The following RSRP1 variants were observed in gnomAD, a reference collection of about 807,000 sequenced individuals.
RSRP1 encodes arginine/serine-rich protein 1.
A neutral mutation model predicts 33.0 loss-of-function variants in RSRP1; 37 were observed. The ratio of observed to expected loss-of-function variants is 1.12; its 90% CI spans 0.86 to 1.48. RSRP1 has a LOEUF of 1.48. RSRP1 is among the 40% of genes most tolerant of loss of function. The pLI, the probability that RSRP1 is intolerant of heterozygous loss-of-function variation, is 0.00. For synonymous variants in RSRP1, 167 were observed against 158.7 expected, an observed-to-expected ratio of 1.05 and a Z score of -0.40; for missense variants, 402 against 385.3, an observed-to-expected ratio of 1.04 and a Z score of -0.36.
Position 25,290,674 on chromosome 1 carries a change from G to A in RSRP1, c.-66-43645C>T, listed in dbSNP as rs757676972. 12 of 1,378,510 alleles carry A rather than the reference G, an allele frequency of 8.7e-6. 4 individuals are homozygous for A. Among genetic ancestry groups the A allele is most frequent in the Non-Finnish European group, 1.1e-5 (11 of 978,486 alleles). The allele number at this position is 1,378,510 out of a possible 1,614,324, so 85.4% of individuals were successfully genotyped here. A position where few individuals can be genotyped will look rare whatever the true frequency, so the allele number is the denominator to read the frequency against. On this transcript the variant is annotated intron_variant, in intron 1 of 1. Coordinates refer to the RSRP1 transcript ENST00000561867. ...TGGCCACCATGAGTGCTTTGTCGGT[G>A]CTGATCTCAGTGGATGCTGTCTTGG... is the stretch of plus-strand genomic sequence containing the variant.
chr1:25,273,655 A>G (rs1640693253), intron 1 of RSRP1, among the ~76,000 whole-genome samples: 1 of 114,016 alleles, frequency 8.8e-6, no homozygotes, highest in Non-Finnish European at 2.1e-5. Flanking sequence ...GACTGTGATG[A>G]GACAACTGTA....
intron 1 of RSRP1, among the ~76,000 whole-genome samples, chr1:25,283,892 C>T (rs1176090108): frequency 1.5e-5 from 2 of 133,994 alleles, no homozygotes; most frequent in Non-Finnish European, 3.5e-5. Context: ...TTTGCTGGGC[C>T]CCTCCCTGCC....
At chr1:25,242,951 G>T (rs547249510) in intron 4 of RSRP1, among the ~76,000 whole-genome samples, 1 of 152,250 alleles carries the variant, frequency 6.6e-6, no homozygotes, top group South Asian at 2.1e-4. Context: ...TTAGCCGGGC[G>T]TGGTGGCATG....
rs186520495 is a variant in RSRP1 at position 25,319,921 on chromosome 1, G to A, written c.-67+18057C>T. Among the ~76,000 whole-genome samples the A allele has an allele frequency of 1.1e-4, 14 of 130,110 alleles. 1 individual carries two copies. The East Asian group carries it at 2.6e-3, about 24-fold the overall frequency. The allele number at this position is 130,110 out of a possible 152,430, so 85.4% of individuals were successfully genotyped here. A position where few individuals can be genotyped will look rare whatever the true frequency, so the allele number is the denominator to read the frequency against. ...TTCTTTTTTTTTTCTTTTTTTAGAC[G>A]CAGTTTTGCTCTTGTTGCCCAGGCT... On this transcript the variant is annotated intron_variant, in intron 1 of 1. Transcript: ENST00000561867.
chr1:25,258,254 C>T (rs1182640791), intron 1 of RSRP1, among the ~76,000 whole-genome samples: 2 of 152,162 alleles, frequency 1.3e-5, no homozygotes, highest in Admixed American at 6.5e-5. Context: ...AATCTCGGCT[C>T]GCTGCAACAT....
chr1:25,290,239 G>A (rs1413803569), intron 1 of RSRP1, among the ~76,000 whole-genome samples: 1 of 127,926 alleles, frequency 7.8e-6, no homozygotes, highest in African/African-American at 2.7e-5. Context: ...CGGGGGAAGA[G>A]TGCCCTCTGT....
At chr1:25,258,088 G>T (rs993147062) in intron 1 of RSRP1, among the ~76,000 whole-genome samples, 148 of 152,306 alleles carry the variant, frequency 9.7e-4, no homozygotes, top group African/African-American at 3.4e-3. Context: ...TCCAGGATGT[G>T]GGGGCAGAGT....
In RSRP1 at chr1:25,242,484, T is replaced by G. The variant is rs758931135; in HGVS notation, c.*105A>C. ...ACATCTTTTTGTGTTGGTTTTTAAA[T>G]GCACAAGTACCCCTGAATGGCTCAA... On this transcript the variant is annotated 3_prime_UTR_variant, in exon 5 of 5. Coordinates refer to ENST00000243189, the MANE Select transcript of RSRP1 (RefSeq NM_020317.5). 1 of 675,698 alleles carries G rather than the reference T, an allele frequency of 1.5e-6. No individual in the cohort carries two copies. The allele number at this position is 675,698 out of a possible 1,614,324, so 41.9% of individuals were successfully genotyped here. A position where few individuals can be genotyped will look rare whatever the true frequency, so the allele number is the denominator to read the frequency against.
intron 1 of RSRP1, among the ~76,000 whole-genome samples, chr1:25,299,848 C>T (rs1292692638): frequency 7.6e-6 from 1 of 131,238 alleles, no homozygotes; most frequent in South Asian, 2.3e-4. Flanking sequence ...CTCCCAGGTT[C>T]CAGTGAATCT....
intron 1 of RSRP1, chr1:25,304,861 G>A (rs1465097684): frequency 7.6e-6 from 1 of 131,776 alleles, no homozygotes; most frequent in Non-Finnish European, 1.8e-5. Context: ...AGAACACATA[G>A]CAAGTTATCA....
At chr1:25,285,326 G>T (rs1392131373) in intron 1 of RSRP1, among the ~76,000 whole-genome samples, 1 of 133,774 alleles carries the variant, frequency 7.5e-6, no homozygotes, top group East Asian at 1.9e-4. Flanking sequence ...TAGAGATAGG[G>T]TTTCTCCGTG....
chr1:25,313,678 A>G lies in RSRP1; in HGVS notation c.-67+24300T>C, dbSNP rs768539813. The stretch of plus-strand genomic sequence containing the variant: ...ATCATCCAGGGACCAGGCAGCAGAA[A>G]GAGAGGGGGAACTGGGACTATGCCT... On this transcript the variant is annotated intron_variant, in intron 1 of 1. Coordinates refer to the RSRP1 transcript ENST00000561867. Among the ~76,000 whole-genome samples, 157 of 132,614 alleles carry G rather than the reference A, an allele frequency of 1.2e-3. 44 individuals are homozygous for G. The highest frequency in any genetic ancestry group is 2.3e-3 in the Non-Finnish European group (130 of 55,884). The allele number at this position is 132,614 out of a possible 152,430, so 87.0% of individuals were successfully genotyped here.
intron 1 of RSRP1, among the ~76,000 whole-genome samples, chr1:25,290,317 G>C (rs1315692402): frequency 3.2e-5 from 4 of 123,708 alleles, no homozygotes; most frequent in African/African-American, 1.1e-4. Flanking sequence ...TCCCCTGAGG[G>C]AACAGTCACC....
chr1:25,276,526 C>T lies in RSRP1; in HGVS notation c.-66-29497G>A, dbSNP rs1226908129. Among the ~76,000 whole-genome samples the T allele has an allele frequency of 1.9e-3, 67 of 35,924 alleles. 3 individuals are homozygous for T. Among genetic ancestry groups the T allele is most frequent in the African/African-American group, 6.8e-3 (67 of 9,792 alleles). 23.6% of individuals were successfully genotyped at this position (35,924 alleles called of 152,430 possible). A position where few individuals can be genotyped will look rare whatever the true frequency, so the allele number is the denominator to read the frequency against. ...TAGGAAACATAGGGAGACCCCCCCC[C>T]ATCTCTAAAAAAAAAAAAAAAAAAA... is the stretch of plus-strand genomic sequence containing the variant. On this transcript the variant is annotated intron_variant, in intron 1 of 1. Transcript: ENST00000561867.
upstream of RSRP1, among the ~76,000 whole-genome samples, chr1:25,249,998 C>T (rs1347793790): frequency 3.3e-5 from 5 of 152,086 alleles, no homozygotes; most frequent in Non-Finnish European, 5.9e-5. Flanking sequence ...CTTTATTAGC[C>T]GGCAACCGGG....
chr1:25,250,092 G>A (rs780656255), upstream of RSRP1, among the ~76,000 whole-genome samples: 1 of 152,166 alleles, frequency 6.6e-6, no homozygotes, highest in Non-Finnish European at 1.5e-5. Context: ...GGGGAGGGGG[G>A]TTTAACTGAA....
chr1:25,244,197 C>T, intron 3 of RSRP1: 1 of 1,289,036 alleles, frequency 7.8e-7, no homozygotes, highest in East Asian at 5.5e-5. Context: ...GTGAAGCAGG[C>T]CTCCTCTTCT....
rs535973265 is a variant in RSRP1, at chr1:25,252,532, C to CT, written c.-66-5504dup. ...CTTCAGCGTAGTCTGGGACCCTGAC[C>CT]TTTTTTTTTTTTTTTTTTGAGACGG... is the stretch of plus-strand genomic sequence containing the variant. On this transcript the variant is annotated intron_variant, in intron 1 of 1. Transcript: ENST00000561867. Among the ~76,000 whole-genome samples, 906 of 135,806 alleles carry CT rather than the reference C, an allele frequency of 6.7e-3. 17 individuals carry two copies. Among genetic ancestry groups the CT allele is most frequent in the Admixed American group, 0.032 (421 of 13,244 alleles). 89.1% of individuals were successfully genotyped at this position (135,806 alleles called of 152,430 possible).
intron 1 of RSRP1, chr1:25,267,734 C>T (rs1422193135): frequency 7.5e-6 from 1 of 132,696 alleles, no homozygotes; most frequent in African/African-American, 2.6e-5. Context: ...AGAAAACACT[C>T]GTCACCTCAA....
Sources: gnomAD v4.1 joint callset for allele counts (sites outside exome capture counted in the v4.1 genomes callset) on GRCh38, gnomAD v4.1.1 for gene constraint, MANE v1.5 for transcripts, NCBI Gene and HGNC (gene_info 2026-07-23, HGNC 2026-07-21) for gene names.